Variants in DDX10 observed in about 807,000 individuals in gnomAD.
DDX10 encodes the protein probable ATP-dependent RNA helicase DDX10.
A neutral mutation model predicts 104.3 loss-of-function variants in DDX10; 74 were observed. The observed-to-expected ratio is 0.71, with a 90% CI of 0.59 to 0.86. DDX10 has a LOEUF of 0.86. Among genes scored for constraint, DDX10 ranks in the 40% least tolerant of loss-of-function variants. The probability of loss-of-function intolerance (pLI) is 0.00; values close to 1 mark genes in which losing one functional copy is unlikely to be tolerated. For synonymous variants in DDX10, 351 were observed against 353.4 expected, an observed-to-expected ratio of 0.99 and a Z score of 0.08; for missense variants, 952 against 1,040.0, an observed-to-expected ratio of 0.92 and a Z score of 1.16.
rs768867459 is a variant in DDX10 at position 108,675,673 on chromosome 11, G to A, written c.325G>A (p.Val109Ile). The change falls in exon 3 of 18, where the codon GTA (valine) becomes ATA (isoleucine). Residue 109 changes from valine to isoleucine, a missense_variant. Val to Ile is a conservative substitution (Grantham distance 29, BLOSUM62 3). This residue lies in a region of DDX10 where 412 missense variants were observed against 479.2 expected (regional missense o/e 0.86). Transcript: ENST00000322536. ...TIGLALQGKD[V>I]LGAAKTGSGK... ...TGGATTGGCTTTGCAAGGTAAAGAT[G>A]TACTTGGAGCGGCCAAAACTGGATC... 1.2e-6 allele frequency: 2 copies of A among 1,614,190 alleles called. No individual in the cohort carries two copies. Among genetic ancestry groups the A allele is most frequent in the Admixed American group, 1.7e-5 (1 of 60,018 alleles).
intron 13 of DDX10, among the ~76,000 whole-genome samples, chr11:108,830,250 T>C (rs1862450130): frequency 6.6e-6 from 1 of 152,232 alleles, no homozygotes; most frequent in South Asian, 2.1e-4. Flanking sequence ...CAGTGTTTTG[T>C]AGTTTTCCTT....
At chr11:108,769,316 C>T (rs1227600471) in intron 13 of DDX10, among the ~76,000 whole-genome samples, 1 of 151,162 alleles carries the variant, frequency 6.6e-6, no homozygotes, top group African/African-American at 2.4e-5. Context: ...TGCTCAGATT[C>T]ATCTTCTAGT....
chr11:108,894,799 T>A (rs780034598), intron 16 of DDX10, among the ~76,000 whole-genome samples: 2 of 152,046 alleles, frequency 1.3e-5, no homozygotes, highest in African/African-American at 2.4e-5. Context: ...ATAGTTATTA[T>A]GAAATTTTGA....
chr11:108,796,024 A>G (rs1048044200), intron 13 of DDX10, among the ~76,000 whole-genome samples: 2 of 152,210 alleles, frequency 1.3e-5, no homozygotes, highest in Non-Finnish European at 1.5e-5. Context: ...TTCTTTTTAA[A>G]CAACATTCAG....
intron 14 of DDX10, 32 bp downstream of exon 14, chr11:108,838,597 T>G: frequency 3.1e-6 from 5 of 1,590,534 alleles, no homozygotes; most frequent in Non-Finnish European, 4.3e-6. Flanking sequence ...ATTTCTGAGG[T>G]GCATTTGGAG....
intron 9 of DDX10, among the ~76,000 whole-genome samples, chr11:108,693,946 G>A (rs535875849): frequency 6.6e-6 from 1 of 152,272 alleles, no homozygotes; most frequent in Admixed American, 6.5e-5. Flanking sequence ...GGTCCCAGTG[G>A]ATGCCTGAAA....
chr11:108,827,815 G>C (rs1428067353), intron 13 of DDX10, among the ~76,000 whole-genome samples: 1 of 152,118 alleles, frequency 6.6e-6, no homozygotes, highest in Non-Finnish European at 1.5e-5. Flanking sequence ...TAATACTTGT[G>C]TAGGAATTCT....
At position 108,823,975 on chromosome 11, in the gene DDX10, C is replaced by G. The variant is rs550208976; in HGVS notation, c.1966-14471C>G. Among the ~76,000 whole-genome samples, 6 of 152,270 alleles carry G rather than the reference C, an allele frequency of 3.9e-5. 1 individual carries two copies. In the South Asian group the frequency reaches 1.2e-3, roughly 32 times the overall value. On this transcript the variant is annotated intron_variant, in intron 13 of 17. Coordinates refer to ENST00000322536, the MANE Select transcript of DDX10 (RefSeq NM_004398.4). ...GAAGGAAGGTAGTAGAGGTGTGGAT[C>G]GCTGAGATACTCCCCTAAGAGAAGT...
chr11:108,721,225 C>T (rs1243817598), intron 12 of DDX10, among the ~76,000 whole-genome samples: 1 of 151,998 alleles, frequency 6.6e-6, no homozygotes, highest in Non-Finnish European at 1.5e-5. Context: ...TCAGTTATTA[C>T]ATTTTTGAAC....
chr11:108,751,088 A>G (rs762346816), intron 13 of DDX10, among the ~76,000 whole-genome samples: 7 of 151,232 alleles, frequency 4.6e-5, no homozygotes, highest in Middle Eastern at 3.5e-3. Context: ...GCCCCTAATT[A>G]TGTTTTAAAT....
At chr11:108,810,897 T>G (rs1231889151) in intron 13 of DDX10, among the ~76,000 whole-genome samples, 4 of 152,198 alleles carry the variant, frequency 2.6e-5, no homozygotes, top group African/African-American at 4.8e-5. Context: ...CCAACCCGTT[T>G]CGCACCTCCC....
At chr11:108,875,864 G>A (rs1591106173) in intron 16 of DDX10, among the ~76,000 whole-genome samples, 2 of 152,104 alleles carry the variant, frequency 1.3e-5, no homozygotes, top group South Asian at 2.1e-4. Flanking sequence ...ATGAAACTCC[G>A]GGAAGTATCT....
At chr11:108,677,280 T>C in intron 4 of DDX10, 37 bp downstream of exon 4, 1 of 1,582,746 alleles carries the variant, frequency 6.3e-7, no homozygotes, top group Non-Finnish European at 8.6e-7. Context: ...TTTCCTTCTG[T>C]AACCTATACT....
Position 108,715,902 on chromosome 11 carries a change from A to C in DDX10, c.1346A>C (p.Asp449Ala), listed in dbSNP as rs762524526. 1 of 1,545,204 alleles carries C rather than the reference A, an allele frequency of 6.5e-7. No individual in the cohort carries two copies. The highest frequency in any genetic ancestry group is 8.9e-7 in the Non-Finnish European group (1 of 1,120,836). Reference protein sequence around the residue: ...EIKINPEKLIDVQKKLESILA... With the variant: ...EIKINPEKLIAVQKKLESILA... The stretch of plus-strand genomic sequence containing the variant: ...AGAATCAATCCAGAAAAACTTATAG[A>C]TGTCCAGAAAAAATTGGAATCTATT... Residue 449 changes from aspartate (D) to alanine (A), a missense_variant, in exon 11 of 18, where the codon GAT becomes GCT. Asp to Ala is a moderately radical substitution (Grantham distance 126). Coordinates refer to ENST00000322536, the MANE Select transcript of DDX10 (RefSeq NM_004398.4).
chr11:108,806,436 G>A (rs1180821799), intron 13 of DDX10, among the ~76,000 whole-genome samples: 4 of 152,170 alleles, frequency 2.6e-5, no homozygotes, highest in East Asian at 1.9e-4. Context: ...CCATACAATC[G>A]TTCAGGTAGT....
chr11:108,887,138 G>C (rs369302959), intron 16 of DDX10, among the ~76,000 whole-genome samples: 1 of 152,076 alleles, frequency 6.6e-6, no homozygotes, highest in Non-Finnish European at 1.5e-5. Flanking sequence ...ATTTTTAATA[G>C]AGAAAAGGAA....
intron 6 of DDX10, among the ~76,000 whole-genome samples, chr11:108,684,531 C>G (rs1327234782): frequency 1.3e-5 from 2 of 149,698 alleles, no homozygotes; most frequent in East Asian, 4.0e-4. Flanking sequence ...GACATGAACT[C>G]ATCAGTTTTT....
Position 108,904,798 on chromosome 11 carries a change from T to C in DDX10, c.2305-13075T>C, listed in dbSNP as rs142724759. Reference sequence around the variant, plus strand: ...AATGTAGCCATGTGCCAGAGAGATATATGAGCCTACTAACTCCATGGCTAT... The same window carrying C: ...AATGTAGCCATGTGCCAGAGAGATACATGAGCCTACTAACTCCATGGCTAT... On this transcript the variant is annotated intron_variant, in intron 16 of 17. Coordinates refer to ENST00000322536, the MANE Select transcript of DDX10 (RefSeq NM_004398.4). 3.9e-3 allele frequency among the ~76,000 whole-genome samples: 598 copies of C among 152,220 alleles called. 6 individuals are homozygous for C. Among genetic ancestry groups the C allele is most frequent in the African/African-American group, 0.014 (572 of 41,544 alleles).
At chr11:108,758,799 CTTACT>C (rs1199565544) in intron 13 of DDX10, among the ~76,000 whole-genome samples, 2 of 152,076 alleles carry the variant, frequency 1.3e-5, no homozygotes, top group Non-Finnish European at 2.9e-5. Flanking sequence ...GGACAGTCTC[CTTACT>C]TTAAAGTTAG....
Sources: allele counts gnomAD v4.1 joint callset (sites outside exome capture counted in the v4.1 genomes callset), GRCh38; gene constraint gnomAD v4.1.1; regional missense constraint gnomAD v4.1.1; transcripts MANE v1.5; gene names NCBI Gene and HGNC (gene_info 2026-07-23, HGNC 2026-07-21).